Variants in STXBP5L observed in about 807,000 individuals in gnomAD.
STXBP5L encodes the protein syntaxin binding protein 5L, also known as syntaxin-binding protein 5-like.
Under a neutral mutation model 144.5 loss-of-function variants are expected in STXBP5L, and 65 were observed. The observed-to-expected ratio is 0.45, with a 90% confidence interval of 0.37 to 0.55. The LOEUF (loss-of-function observed/expected upper bound fraction) is 0.55, where lower values mean the gene tolerates loss of function less well. Among genes scored for constraint, STXBP5L ranks in the 20% least tolerant of loss-of-function variants. The pLI is 0.00. For synonymous variants in STXBP5L, 505 were observed against 469.6 expected (o/e 1.08, Z -0.97); for missense variants, 1,298 against 1,405.5 (o/e 0.92, Z 1.22).
rs147023683 is a variant in STXBP5L, at chr3:121,024,547, A to G, written c.288-17153A>G. Among the ~76,000 whole-genome samples the G allele has an allele frequency of 3.0e-3, 464 of 152,314 alleles. 3 individuals carry two copies. Among genetic ancestry groups the G allele is most frequent in the African/African-American group, 0.01 (433 of 41,576 alleles). On this transcript the variant is annotated intron_variant, in intron 3 of 26. Coordinates refer to ENST00000471454, the MANE Select transcript of STXBP5L (RefSeq NM_001308330.2). ...ATTCAGGTAACTTCGAGTGCTATGTAAGCTGTCAAGTCTAAACATCTCTTG... is the reference window on the plus strand; with the variant it reads ...ATTCAGGTAACTTCGAGTGCTATGTGAGCTGTCAAGTCTAAACATCTCTTG...
chr3:121,408,431 ACTGT>A (rs1455804231), intron 23 of STXBP5L, among the ~76,000 whole-genome samples: 1 of 150,846 alleles, frequency 6.6e-6, no homozygotes, highest in Non-Finnish European at 1.5e-5. Context: ...TAAGAAACTC[ACTGT>A]CTAACTTGGG....
chr3:120,980,530 A>T (rs1475643108), intron 3 of STXBP5L, among the ~76,000 whole-genome samples: 1 of 148,674 alleles, frequency 6.7e-6, no homozygotes, highest in Non-Finnish European at 1.5e-5. Context: ...ATTCCTGCTC[A>T]TTTTTGGTTT....
chr3:121,036,053 G>T (rs1197199860), intron 3 of STXBP5L, among the ~76,000 whole-genome samples: 1 of 152,008 alleles, frequency 6.6e-6, no homozygotes, highest in Non-Finnish European at 1.5e-5. Context: ...AAATTTGGGG[G>T]CTGGGCATGG....
At chr3:121,210,278 G>A (rs549674786) in intron 10 of STXBP5L, among the ~76,000 whole-genome samples, 21 of 152,278 alleles carry the variant, frequency 1.4e-4, no homozygotes, top group Non-Finnish European at 2.5e-4. Flanking sequence ...TTTTGATGGA[G>A]TTGTTTGTTT....
chr3:121,087,479 C>A (rs904614516), intron 5 of STXBP5L, among the ~76,000 whole-genome samples: 1 of 151,976 alleles, frequency 6.6e-6, no homozygotes, highest in Non-Finnish European at 1.5e-5. Flanking sequence ...CATTATCTAA[C>A]ATAATATAGT....
chr3:121,153,660 A>G (rs544070315), intron 8 of STXBP5L, among the ~76,000 whole-genome samples: 1 of 152,024 alleles, frequency 6.6e-6, no homozygotes, highest in East Asian at 1.9e-4. Flanking sequence ...TAAAGATATA[A>G]GCCTTCACCT....
intron 10 of STXBP5L, among the ~76,000 whole-genome samples, chr3:121,206,433 A>G (rs2048338081): frequency 6.6e-6 from 1 of 152,228 alleles, no homozygotes; most frequent in Non-Finnish European, 1.5e-5. Context: ...TGTGTATATT[A>G]ATGTAATAAA....
chr3:121,351,308 G>T (rs1411789322), intron 20 of STXBP5L, among the ~76,000 whole-genome samples: 1 of 152,126 alleles, frequency 6.6e-6, no homozygotes, highest in Admixed American at 6.6e-5. Context: ...CTGCCTGATT[G>T]TTCCTCTGGA....
intron 3 of STXBP5L, among the ~76,000 whole-genome samples, chr3:120,987,142 A>G (rs1942366623): frequency 6.6e-6 from 1 of 152,038 alleles, no homozygotes; most frequent in African/African-American, 2.4e-5. Context: ...TCAGACTTTA[A>G]AAAGTCAAGC....
At position 121,233,629 on chromosome 3, in the gene STXBP5L, C is replaced by T; in HGVS notation, c.1125C>T (p.Pro375=). 1 of 1,611,414 alleles carries T rather than the reference C, an allele frequency of 6.2e-7. No individual in the cohort carries two copies. The highest frequency in any genetic ancestry group is 8.5e-7 in the Non-Finnish European group (1 of 1,178,818). Residue 375 remains proline, a synonymous_variant, in exon 12 of 27, where the codon CCC becomes CCT. Transcript: ENST00000471454. ...TTTTACTTGTAGAATTTCAAGAACC[C>T]TATGCTGTCGTGGTACTTCTGGAGA... ...ETPYPNEFQE[P]YAVVVLLEKD...
At chr3:121,061,788 A>G (rs973283853) in intron 5 of STXBP5L, among the ~76,000 whole-genome samples, 4 of 152,272 alleles carry the variant, frequency 2.6e-5, no homozygotes, top group African/African-American at 9.6e-5. Context: ...CAGGGATTGC[A>G]ACCCCTGCTT....
chr3:121,340,754 T>C (rs1004126906), intron 20 of STXBP5L, among the ~76,000 whole-genome samples: 2 of 152,068 alleles, frequency 1.3e-5, no homozygotes, highest in African/African-American at 4.8e-5. Context: ...TGCTCATACA[T>C]TAAGTAGAAA....
chr3:121,076,839 A>T (rs2042038547), intron 5 of STXBP5L, among the ~76,000 whole-genome samples: 1 of 151,604 alleles, frequency 6.6e-6, no homozygotes, highest in Admixed American at 6.6e-5. Flanking sequence ...GCATGCTTTC[A>T]CTCTCAGTTT....
intron 19 of STXBP5L, among the ~76,000 whole-genome samples, chr3:121,312,660 C>G (rs2043582535): frequency 6.6e-6 from 1 of 150,772 alleles, no homozygotes; most frequent in South Asian, 2.1e-4. Flanking sequence ...GTGGTGATGA[C>G]TCTTAACGAG....
At chr3:121,039,932 A>G (rs562983921) in intron 3 of STXBP5L, among the ~76,000 whole-genome samples, 1 of 151,604 alleles carries the variant, frequency 6.6e-6, no homozygotes, top group African/African-American at 2.4e-5. Context: ...AAAAATCTCT[A>G]GATATTCTAT....
At position 121,423,596 on chromosome 3, in the gene STXBP5L, T is replaced by G. The variant is rs566392075; in HGVS notation, c.*4499T>G. ...GAGGAGTGATTCTCAACCTTGACTG[T>G]ACATAAGAATCACCTCAGGAAATTT... On this transcript the variant is annotated 3_prime_UTR_variant, in exon 27 of 27. Coordinates refer to ENST00000471454, the MANE Select transcript of STXBP5L (RefSeq NM_001308330.2). 2 of 152,322 alleles carry G rather than the reference T, an allele frequency of 1.3e-5. No individual in the cohort carries two copies. Among genetic ancestry groups the G allele is most frequent in the South Asian group, 4.1e-4 (2 of 4,826 alleles). The allele number at this position is 152,322 out of a possible 1,614,324, so 9.4% of individuals were successfully genotyped here. A position where few individuals can be genotyped will look rare whatever the true frequency, so the allele number is the denominator to read the frequency against.
At chr3:121,370,387 T>C (rs1374817225) in intron 20 of STXBP5L, among the ~76,000 whole-genome samples, 2 of 152,038 alleles carry the variant, frequency 1.3e-5, no homozygotes, top group Non-Finnish European at 2.9e-5. Context: ...GTATAGCACC[T>C]CCCCCATTCC....
At chr3:121,357,797 G>A (rs1158314374) in intron 20 of STXBP5L, 1 of 152,046 alleles carries the variant, frequency 6.6e-6, no homozygotes, top group Non-Finnish European at 1.5e-5. Context: ...CCAAAATAGA[G>A]CATGCAGCAT....
chr3:121,043,542 C>G (rs567357698), intron 4 of STXBP5L, among the ~76,000 whole-genome samples: 1 of 152,220 alleles, frequency 6.6e-6, no homozygotes, highest in South Asian at 2.1e-4. Context: ...AACCCCGTCT[C>G]TACTAAAATT....
Sources: gnomAD v4.1 joint callset for allele counts (sites outside exome capture counted in the v4.1 genomes callset) on GRCh38, gnomAD v4.1.1 for gene constraint, MANE v1.5 for transcripts, NCBI Gene and HGNC (gene_info 2026-07-23, HGNC 2026-07-21) for gene names.